GALNTL6: variants seen among roughly 807,000 people sequenced by gnomAD.
GALNTL6 encodes polypeptide N-acetylgalactosaminyltransferase like 6, also known as polypeptide N-acetylgalactosaminyltransferase-like 6.
Under a neutral mutation model 73.7 loss-of-function variants are expected in GALNTL6, and 46 were observed. The observed-to-expected ratio is 0.62, with a 90% CI of 0.49 to 0.80. GALNTL6 has a LOEUF of 0.80. Ranked by LOEUF, GALNTL6 falls within the 30% of genes least tolerant of loss-of-function variation. The pLI is 0.00. For missense variants in GALNTL6, 604 were observed against 755.0 expected (o/e 0.80, Z 2.34); for synonymous variants, 259 against 263.7 (o/e 0.98, Z 0.17).
intron 5 of GALNTL6, among the ~76,000 whole-genome samples, chr4:172,615,609 C>T (rs1738695758): frequency 6.6e-6 from 1 of 152,112 alleles, no homozygotes; most frequent in Non-Finnish European, 1.5e-5. Context: ...TTACACTGCT[C>T]TTCACAATTA....
chr4:172,154,152 C>T (rs1579190156), intron 2 of GALNTL6, among the ~76,000 whole-genome samples: 1 of 138,308 alleles, frequency 7.2e-6, no homozygotes, highest in South Asian at 2.3e-4. Flanking sequence ...TAAAAAATCA[C>T]ATGAGTTTTT....
intron 2 of GALNTL6, chr4:171,816,125 A>T (rs1278682390): frequency 6.6e-6 from 1 of 152,122 alleles, no homozygotes; most frequent in Non-Finnish European, 1.5e-5. Context: ...CAGGATTTTA[A>T]TAACTTTAGT....
chr4:172,425,147 T>C (rs1488722484), intron 5 of GALNTL6: 1 of 152,130 alleles, frequency 6.6e-6, no homozygotes, highest in African/African-American at 2.4e-5. Flanking sequence ...GCACATATAT[T>C]GGACAGAACT....
intron 5 of GALNTL6, among the ~76,000 whole-genome samples, chr4:172,625,888 A>T (rs2111082376): frequency 6.6e-6 from 1 of 151,926 alleles, no homozygotes; most frequent in Admixed American, 6.6e-5. Context: ...TTGTTAAATT[A>T]TTTAAGTTCC....
intron 5 of GALNTL6, among the ~76,000 whole-genome samples, chr4:172,486,268 T>A (rs2111492364): frequency 6.6e-6 from 1 of 152,274 alleles, no homozygotes; most frequent in Admixed American, 6.5e-5. Flanking sequence ...AGAAACTGAT[T>A]GATTTGAAGA....
At chr4:172,849,234 G>A (rs1200019613) in intron 7 of GALNTL6, among the ~76,000 whole-genome samples, 2 of 152,142 alleles carry the variant, frequency 1.3e-5, no homozygotes, top group Non-Finnish European at 2.9e-5. Context: ...AAGGAAACTT[G>A]ATGAAGATTG....
At chr4:172,627,536 G>GTT (rs796834112) in intron 5 of GALNTL6, among the ~76,000 whole-genome samples, 1 of 137,986 alleles carries the variant, frequency 7.2e-6, no homozygotes. Context: ...CCTCTTCCTT[G>GTT]TTTTTTTTTT....
chr4:171,913,442 G>A (rs1293553437), intron 2 of GALNTL6, among the ~76,000 whole-genome samples: 1 of 152,092 alleles, frequency 6.6e-6, no homozygotes, highest in Non-Finnish European at 1.5e-5. Context: ...ACCCACAGCT[G>A]GATTCCCTTT....
At chr4:172,407,849 T>A (rs562502271) in intron 5 of GALNTL6, among the ~76,000 whole-genome samples, 54 of 152,202 alleles carry the variant, frequency 3.5e-4, no homozygotes, top group African/African-American at 1.3e-3. Flanking sequence ...TATGCTACTG[T>A]ATAATTTATA....
At chr4:172,229,171 T>C (rs948332709) in intron 2 of GALNTL6, among the ~76,000 whole-genome samples, 8 of 152,228 alleles carry the variant, frequency 5.3e-5, no homozygotes, top group African/African-American at 1.9e-4. Flanking sequence ...AACAAACTTC[T>C]ATACACAGAG....
In GALNTL6 at chr4:172,428,737, G is replaced by C. The variant is rs181931330; in HGVS notation, c.553+80048G>C. Among the ~76,000 whole-genome samples the C allele has an allele frequency of 7.9e-4, 120 of 152,244 alleles. 1 individual carries two copies. The South Asian group carries it at 0.016, about 21-fold the overall frequency. ...AAACTGAAACGGAGATATAGAGATAGAACCAAAGAATCAAAATTCTGCACA... is the reference window on the plus strand; with the variant it reads ...AAACTGAAACGGAGATATAGAGATACAACCAAAGAATCAAAATTCTGCACA... On this transcript the variant is annotated intron_variant, in intron 5 of 12. Coordinates refer to ENST00000506823, the MANE Select transcript of GALNTL6 (RefSeq NM_001034845.3).
chr4:172,900,334 C>A (rs1746559195), intron 8 of GALNTL6, among the ~76,000 whole-genome samples: 1 of 152,218 alleles, frequency 6.6e-6, no homozygotes, highest in East Asian at 1.9e-4. Flanking sequence ...TTAAAATGTT[C>A]TGTCTCTGTT....
intron 5 of GALNTL6, among the ~76,000 whole-genome samples, chr4:172,553,492 T>C (rs1736036491): frequency 6.6e-6 from 1 of 152,218 alleles, no homozygotes; most frequent in Admixed American, 6.5e-5. Context: ...ATTAACACTA[T>C]ATTTTCATGA....
chr4:172,271,556 G>A (rs550390721), intron 3 of GALNTL6, among the ~76,000 whole-genome samples: 1 of 152,122 alleles, frequency 6.6e-6, no homozygotes, highest in Middle Eastern at 3.4e-3. Context: ...GCACAGATAT[G>A]TGCACACCTA....
chr4:172,170,943 T>C (rs556978532), intron 2 of GALNTL6, among the ~76,000 whole-genome samples: 215 of 152,372 alleles, frequency 1.4e-3, no homozygotes, highest in African/African-American at 4.6e-3. Flanking sequence ...TATTCCTTTA[T>C]TCTTCAGATT....
rs533234580 is a variant in GALNTL6 at position 172,036,424 on chromosome 4, A to G, written c.139-193232A>G. 1.1e-4 allele frequency among the ~76,000 whole-genome samples: 17 copies of G among 152,284 alleles called. No homozygotes were observed. The South Asian group carries it at 2.9e-3, about 26-fold the overall frequency. On this transcript the variant is annotated intron_variant, in intron 2 of 12. Transcript: ENST00000506823. ...TAAATTATATAAATCACACAAAGTC[A>G]TAAGAATTTTTAGTGTATATTATCT...
intron 10 of GALNTL6, among the ~76,000 whole-genome samples, chr4:172,957,410 C>CT (rs1408526106): frequency 2.0e-5 from 3 of 152,076 alleles, no homozygotes; most frequent in Admixed American, 6.5e-5. Flanking sequence ...TGGGAAGAGA[C>CT]TGATAGGTGG....
intron 10 of GALNTL6, among the ~76,000 whole-genome samples, chr4:172,963,159 G>C (rs1050298072): frequency 1.3e-5 from 2 of 152,272 alleles, no homozygotes; most frequent in African/African-American, 4.8e-5. Context: ...GGCCAGGTCA[G>C]TCTGACCTCA....
intron 2 of GALNTL6, among the ~76,000 whole-genome samples, chr4:172,146,592 A>G (rs903967708): frequency 6.6e-6 from 1 of 152,194 alleles, no homozygotes; most frequent in Non-Finnish European, 1.5e-5. Flanking sequence ...TTTTATTTTA[A>G]TAATAGCCTG....
Sources: allele counts gnomAD v4.1 joint callset (sites outside exome capture counted in the v4.1 genomes callset), GRCh38; gene constraint gnomAD v4.1.1; transcripts MANE v1.5; gene names NCBI Gene and HGNC (gene_info 2026-07-23, HGNC 2026-07-21).